The following PRELID2 variants were observed in gnomAD, a reference collection of about 807,000 sequenced individuals.
PRELID2 encodes the protein PRELI domain-containing protein 2.
PRELID2 carries 25 observed loss-of-function variants against 28.4 expected under a neutral mutation model. The observed-to-expected ratio is 0.88, with a 90% CI of 0.64 to 1.23. The LOEUF (loss-of-function observed/expected upper bound fraction) is 1.23, where lower values mean the gene tolerates loss of function less well. Among genes scored for constraint, PRELID2 ranks in the 50% most tolerant of loss-of-function variants. The probability of loss-of-function intolerance (pLI) is 0.00; values close to 1 mark genes in which losing one functional copy is unlikely to be tolerated. For missense variants in PRELID2, 201 were observed against 214.4 expected, an observed-to-expected ratio of 0.94 and a Z score of 0.39; for synonymous variants, 76 against 71.6, an observed-to-expected ratio of 1.06 and a Z score of -0.31.
the PRELID2 span, among the ~76,000 whole-genome samples, chr5:145,263,815 TAAC>T: frequency 7.6e-6 from 1 of 131,176 alleles, no homozygotes; most frequent in Non-Finnish European, 1.6e-5. Context: ...AACAGACTAA[TAAC>T]AAGCAGCAGG....
At chr5:145,490,161 CTTG>C (rs1752256717) in intron 1 of PRELID2, among the ~76,000 whole-genome samples, 2 of 152,290 alleles carry the variant, frequency 1.3e-5, no homozygotes, top group South Asian at 2.1e-4. Context: ...GATAAATCAG[CTTG>C]TTAATATTCA....
chr5:145,633,976 T>C (rs1351563852), intron 1 of PRELID2, among the ~76,000 whole-genome samples: 1 of 152,200 alleles, frequency 6.6e-6, no homozygotes, highest in African/African-American at 2.4e-5. Flanking sequence ...AGATGCCTCA[T>C]GTTAGATAAT....
the PRELID2 span, among the ~76,000 whole-genome samples, chr5:145,453,099 G>C: frequency 3.9e-5 from 6 of 152,154 alleles, no homozygotes; most frequent in Non-Finnish European, 8.8e-5. Context: ...GATTTATTTT[G>C]ATATCTGAAA....
intron 1 of PRELID2, among the ~76,000 whole-genome samples, chr5:145,520,268 G>C (rs751045033): frequency 1.7e-4 from 26 of 152,292 alleles, no homozygotes; most frequent in Non-Finnish European, 3.5e-4. Flanking sequence ...TTCAATAGCA[G>C]CCATTCCTGT....
At chr5:145,621,315 T>C (rs989686755) in intron 1 of PRELID2, among the ~76,000 whole-genome samples, 4 of 149,914 alleles carry the variant, frequency 2.7e-5, no homozygotes, top group African/African-American at 1.0e-4. Context: ...ATTAGAGCAC[T>C]CATACATTGC....
the PRELID2 span, among the ~76,000 whole-genome samples, chr5:145,265,404 C>T: frequency 6.6e-6 from 1 of 151,822 alleles, no homozygotes; most frequent in Non-Finnish European, 1.5e-5. Context: ...AAAAACAATC[C>T]ACAAATTCAG....
intron 6 of PRELID2, among the ~76,000 whole-genome samples, chr5:145,762,722 C>T (rs1757533103): frequency 6.6e-6 from 1 of 152,162 alleles, no homozygotes; most frequent in Non-Finnish European, 1.5e-5. Context: ...AGCCTGGCCA[C>T]ATTTAAGCAA....
chr5:145,296,975 C>A, the PRELID2 span, among the ~76,000 whole-genome samples: 3 of 152,112 alleles, frequency 2.0e-5, no homozygotes, highest in East Asian at 1.9e-4. Flanking sequence ...TGTTTTTTGG[C>A]CGCATAAATG....
At chr5:145,491,779 A>G (rs1006030235) in intron 1 of PRELID2, among the ~76,000 whole-genome samples, 2 of 152,088 alleles carry the variant, frequency 1.3e-5, no homozygotes, top group South Asian at 2.1e-4. Context: ...AGATTCTCAT[A>G]TAATGAGATC....
At chr5:145,334,440 T>C in the PRELID2 span, among the ~76,000 whole-genome samples, 3 of 152,220 alleles carry the variant, frequency 2.0e-5, no homozygotes, top group Non-Finnish European at 4.4e-5. Flanking sequence ...ATTGTTGCTA[T>C]AGTCTTTTAA....
At position 145,495,935 on chromosome 5, in the gene PRELID2, G is replaced by A. The variant is rs190373920; in HGVS notation, n.71-22620C>T. Among the ~76,000 whole-genome samples, 8 of 152,192 alleles carry A rather than the reference G, an allele frequency of 5.3e-5. No individual in the cohort carries two copies. In the East Asian group the frequency reaches 7.7e-4, roughly 15 times the overall value. On this transcript the variant is annotated intron_variant and non_coding_transcript_variant, in intron 1 of 2. Coordinates refer to the PRELID2 transcript ENST00000510259. ...AGCTTAGCTCAGAGTGTGAGTCACCGGAGAATGAGTCAGGTGTTCCATTAC... is the reference window on the plus strand; with the variant it reads ...AGCTTAGCTCAGAGTGTGAGTCACCAGAGAATGAGTCAGGTGTTCCATTAC...
chr5:145,515,434 C>A (rs1561497501), intron 1 of PRELID2, among the ~76,000 whole-genome samples: 2 of 152,124 alleles, frequency 1.3e-5, no homozygotes, highest in African/African-American at 4.8e-5. Context: ...CCTCCCAAGA[C>A]TAAACCAGGA....
chr5:145,595,831 T>C (rs1234807082), intron 1 of PRELID2, among the ~76,000 whole-genome samples: 1 of 152,146 alleles, frequency 6.6e-6, no homozygotes, highest in African/African-American at 2.4e-5. Flanking sequence ...TTCATTTCCA[T>C]CATATCACTC....
chr5:145,585,586 C>T (rs1358964806), intron 1 of PRELID2, among the ~76,000 whole-genome samples: 2 of 151,998 alleles, frequency 1.3e-5, no homozygotes, highest in African/African-American at 2.4e-5. Flanking sequence ...TCGTCCATAC[C>T]TCACAGGGTT....
Position 145,724,010 on chromosome 5 carries a change from T to G in PRELID2, n.70+40921A>C, listed in dbSNP as rs144313069. On this transcript the variant is annotated intron_variant and non_coding_transcript_variant, in intron 1 of 2. Transcript: ENST00000510259. ...TACACACAATGGAATGCTATGCATTTGTAATAAAGAATAAAGGATAGCTCT... is the reference window on the plus strand; with the variant it reads ...TACACACAATGGAATGCTATGCATTGGTAATAAAGAATAAAGGATAGCTCT... Among the ~76,000 whole-genome samples, 44 of 152,344 alleles carry G rather than the reference T, an allele frequency of 2.9e-4. 1 individual carries two copies. The East Asian group carries it at 7.9e-3, about 27-fold the overall frequency.
chr5:145,391,472 A>T, the PRELID2 span, among the ~76,000 whole-genome samples: 1 of 152,098 alleles, frequency 6.6e-6, no homozygotes, highest in South Asian at 2.1e-4. Flanking sequence ...GCCACATCCC[A>T]AGGCTGCATA....
the PRELID2 span, among the ~76,000 whole-genome samples, chr5:145,448,912 G>A: frequency 1.5e-3 from 229 of 152,224 alleles, no homozygotes; most frequent in African/African-American, 5.0e-3. Context: ...ATTTGAAAGG[G>A]CTCTCAGTTG....
At chr5:145,356,485 A>G in the PRELID2 span, among the ~76,000 whole-genome samples, 8 of 150,496 alleles carry the variant, frequency 5.3e-5, no homozygotes, top group Non-Finnish European at 1.0e-4. Flanking sequence ...TGGATGGTTC[A>G]GTCTACTTGT....
At chr5:145,668,445 TA>T (rs962816564) in intron 1 of PRELID2, among the ~76,000 whole-genome samples, 10 of 150,826 alleles carry the variant, frequency 6.6e-5, no homozygotes, top group South Asian at 6.3e-4. Context: ...ATCTAGATTT[TA>T]AAAAAAAAGG....
Sources: allele counts gnomAD v4.1 joint callset (sites outside exome capture counted in the v4.1 genomes callset), GRCh38; gene constraint gnomAD v4.1.1; transcripts MANE v1.5; gene names NCBI Gene and HGNC (gene_info 2026-07-23, HGNC 2026-07-21).